HS1BP3: variants seen among roughly 807,000 people sequenced by gnomAD.
The protein encoded by HS1BP3 is HCLS1 binding protein 3.
HS1BP3 carries 32 observed loss-of-function variants against 33.5 expected under a neutral mutation model. That is an observed-to-expected ratio of 0.95 (90% CI 0.72 to 1.28). HS1BP3 has a LOEUF of 1.28. Ranked by LOEUF, HS1BP3 falls within the 50% of genes most tolerant of loss-of-function variation. HS1BP3 has a pLI of 0.00. For missense variants in HS1BP3, 486 were observed against 502.3 expected (o/e 0.97, Z 0.31); for synonymous variants, 187 against 209.2 (o/e 0.89, Z 0.92).
intron 6 of HS1BP3, chr2:20,622,434 G>T (rs73235072): frequency 3.0e-6 from 2 of 672,824 alleles, no homozygotes; most frequent in Non-Finnish European, 2.3e-6. Flanking sequence ...AGCGCTCTGC[G>T]GGATGCTAAG....
intron 5 of HS1BP3, among the ~76,000 whole-genome samples, chr2:20,583,666 T>C (rs1190439115): frequency 6.6e-6 from 1 of 152,182 alleles, no homozygotes; most frequent in East Asian, 1.9e-4. Context: ...TCTCTCATGG[T>C]GGGAGGACCT....
chr2:20,563,878 C>T (rs940451632), intron 5 of HS1BP3, among the ~76,000 whole-genome samples: 1 of 152,174 alleles, frequency 6.6e-6, no homozygotes, highest in African/African-American at 2.4e-5. Flanking sequence ...CCCAGACCTG[C>T]TGAATCAGAC....
chr2:20,563,949 A>C (rs1693063038), intron 5 of HS1BP3, among the ~76,000 whole-genome samples: 1 of 152,184 alleles, frequency 6.6e-6, no homozygotes, highest in African/African-American at 2.4e-5. Flanking sequence ...CACTTAGTGT[A>C]GTCTCACTCA....
downstream of HS1BP3, among the ~76,000 whole-genome samples, chr2:20,613,191 A>G (rs1055719459): frequency 3.9e-5 from 6 of 152,232 alleles, no homozygotes; most frequent in Admixed American, 1.3e-4. Context: ...GAAAATCAGC[A>G]AAGTGGCGAT....
intron 4 of HS1BP3, among the ~76,000 whole-genome samples, chr2:20,626,619 A>T (rs1350031353): frequency 6.6e-6 from 1 of 152,142 alleles, no homozygotes. Flanking sequence ...AAGGGTAGTG[A>T]TGGGGAGCAG....
chr2:20,640,520 G>A, intron 3 of HS1BP3: 1 of 399,562 alleles, frequency 2.5e-6, no homozygotes, highest in East Asian at 3.6e-5. Context: ...GGGGGCACAG[G>A]TGAGAAGCAC....
intron 3 of HS1BP3, among the ~76,000 whole-genome samples, chr2:20,595,075 A>G (rs1005235664): frequency 6.6e-6 from 1 of 152,166 alleles, no homozygotes; most frequent in African/African-American, 2.4e-5. Context: ...TGAGGGAGAC[A>G]TTCTTGTAGC....
downstream of HS1BP3, among the ~76,000 whole-genome samples, chr2:20,616,304 G>A (rs971932495): frequency 4.6e-5 from 7 of 152,166 alleles, no homozygotes; most frequent in Non-Finnish European, 8.8e-5. Flanking sequence ...CCTGCAGGAG[G>A]CCTCTCAGGC....
intron 5 of HS1BP3, among the ~76,000 whole-genome samples, chr2:20,562,729 G>T (rs1445134925): frequency 6.6e-6 from 1 of 152,172 alleles, no homozygotes; most frequent in East Asian, 1.9e-4. Context: ...TCTCCAGGGG[G>T]ATAGTGTCAG....
rs189571473 is a variant in HS1BP3, at chr2:20,567,041, G to A, written c.303-6526C>T. ...TCTCCTGACACCATGGAAGTCACGG[G>A]TATTGGGTGCCTGCATGTGCTAGAA... is the stretch of plus-strand genomic sequence containing the variant. On this transcript the variant is annotated intron_variant, in intron 5 of 5. Coordinates refer to the HS1BP3 transcript ENST00000446825. Among the ~76,000 whole-genome samples, 161 of 152,212 alleles carry A rather than the reference G, an allele frequency of 1.1e-3. 1 individual carries two copies. Among genetic ancestry groups the A allele is most frequent in the Non-Finnish European group, 2.4e-4 (16 of 68,006 alleles).
intron 2 of HS1BP3, among the ~76,000 whole-genome samples, chr2:20,612,232 C>A (rs1442447724): frequency 6.6e-6 from 1 of 152,198 alleles, no homozygotes; most frequent in Non-Finnish European, 1.5e-5. Flanking sequence ...CAGGAGTTGG[C>A]TCACATTTTT....
chr2:20,642,901 G>A (rs1051299038), intron 2 of HS1BP3, among the ~76,000 whole-genome samples: 3 of 152,250 alleles, frequency 2.0e-5, no homozygotes, highest in Non-Finnish European at 4.4e-5. Context: ...GCTTGTGGGT[G>A]TCTGCACTGC....
chr2:20,585,769 A>G (rs1045987836), intron 5 of HS1BP3, among the ~76,000 whole-genome samples: 4 of 152,234 alleles, frequency 2.6e-5, no homozygotes, highest in African/African-American at 4.8e-5. Context: ...CCCAAGTGAC[A>G]GCGTGCACAA....
intron 2 of HS1BP3, among the ~76,000 whole-genome samples, chr2:20,604,698 G>A (rs1694137004): frequency 6.6e-6 from 1 of 152,224 alleles, no homozygotes; most frequent in South Asian, 2.1e-4. Flanking sequence ...CATCCAGCCT[G>A]TCTGACAGCA....
intron 2 of HS1BP3, among the ~76,000 whole-genome samples, chr2:20,606,003 C>G (rs568375863): frequency 6.6e-6 from 1 of 152,188 alleles, no homozygotes; most frequent in East Asian, 1.9e-4. Context: ...TTCTATTTTA[C>G]TTCTTGAGGA....
intron 2 of HS1BP3, among the ~76,000 whole-genome samples, chr2:20,602,714 GA>G (rs1275799775): frequency 6.6e-6 from 1 of 152,108 alleles, no homozygotes; most frequent in African/African-American, 2.4e-5. Context: ...AGCCCATGAG[GA>G]AAAACTAGAT....
At chr2:20,628,263 C>G (rs1694854736) in intron 4 of HS1BP3, among the ~76,000 whole-genome samples, 1 of 152,152 alleles carries the variant, frequency 6.6e-6, no homozygotes, top group Non-Finnish European at 1.5e-5. Flanking sequence ...CCGCTGTCCC[C>G]AGAAGCTCAT....
chr2:20,568,272 G>A (rs1693184170), intron 5 of HS1BP3, among the ~76,000 whole-genome samples: 1 of 152,152 alleles, frequency 6.6e-6, no homozygotes, highest in South Asian at 2.1e-4. Flanking sequence ...AGAGGAGGGC[G>A]GGAAGGAGTC....
At chr2:20,566,455 C>T (rs1319030844) in intron 5 of HS1BP3, among the ~76,000 whole-genome samples, 1 of 152,210 alleles carries the variant, frequency 6.6e-6, no homozygotes, top group Non-Finnish European at 1.5e-5. Context: ...GTCTCCTGTT[C>T]CCTGGCTCTC....
Sources: gnomAD v4.1 joint callset for allele counts (sites outside exome capture counted in the v4.1 genomes callset) on GRCh38, gnomAD v4.1.1 for gene constraint, MANE v1.5 for transcripts, NCBI Gene and HGNC (gene_info 2026-07-23, HGNC 2026-07-21) for gene names.